TSPYL2: variants seen among roughly 807,000 people sequenced by gnomAD.
TSPYL2 encodes the protein testis-specific Y-encoded-like protein 2.
Under a neutral mutation model 33.0 loss-of-function variants are expected in TSPYL2, and 9 were observed. That is an observed-to-expected ratio of 0.27 (90% CI 0.16 to 0.48). The LOEUF is 0.48. Ranked by LOEUF, TSPYL2 falls within the 20% of genes least tolerant of loss-of-function variation. The pLI is 0.99. For missense variants in TSPYL2, 636 were observed against 586.2 expected (o/e 1.08, Z -0.88); for synonymous variants, 330 against 233.6 (o/e 1.41, Z -3.77).
At chrX:53,086,400 A>G (rs191134075) in intron 6 of TSPYL2, 90 bp downstream of exon 6, 23 of 875,788 alleles carry the variant, frequency 2.6e-5, no homozygotes, top group African/African-American at 1.7e-4. Context: ...CATGAACACA[A>G]TCTGCTTTTA....
chrX:53,084,773 A>G lies in TSPYL2; in HGVS notation c.904A>G (p.Ile302Val). ...TNLQVQDLRH[I>V]SMGYKMKLYF... ...GGAGCAGGTACAGGATCTCAGACAT[A>G]TCTCCATGGGCTACAAAATGAAGCT... is the stretch of plus-strand genomic sequence containing the variant. Residue 302 changes from isoleucine (I) to valine (V), a missense_variant, in exon 3 of 7, where the codon ATC (isoleucine) becomes GTC (valine). Physicochemically the swap from Ile to Val is conservative, Grantham distance 29. Transcript: ENST00000375442. The G allele has an allele frequency of 8.3e-7, 1 of 1,210,212 alleles. No homozygotes were observed. Among genetic ancestry groups the G allele is most frequent in the Non-Finnish European group, 1.1e-6 (1 of 894,688 alleles).
rs782211234 is a variant in TSPYL2 at position 53,085,761 on chromosome X, G to A, written c.1369G>A (p.Glu457Lys). The change falls in exon 6 of 7, where the codon GAG (glutamate) becomes AAG (lysine). Residue 457 changes from glutamate to lysine, a missense_variant. Transcript: ENST00000375442. ...IHDIKISDFM[E>K]TTDYFETTDN... ...TGACATCAAGATCTCTGACTTCATG[G>A]AGACCACCGACTACTTCGAGACCAC... 8.3e-7 allele frequency: 1 copy of A among 1,211,329 alleles called. No individual in the cohort carries two copies. Among genetic ancestry groups the A allele is most frequent in the Non-Finnish European group, 1.1e-6 (1 of 895,418 alleles).
Position 53,088,255 on chromosome X carries a change from TC to T in TSPYL2, c.*319del, listed in dbSNP as rs1556809309. Reference sequence around the variant, plus strand: ...CAGTCAGTTGTGGCCCCAGCCCCTCTCCCTGTGCTGTGTGGAGTGGACACCC... The same window carrying T: ...CAGTCAGTTGTGGCCCCAGCCCCTCTCCTGTGCTGTGTGGAGTGGACACCC... On this transcript the variant is annotated 3_prime_UTR_variant, in exon 7 of 7. Transcript: ENST00000375442. 2 of 252,903 alleles carry T rather than the reference TC, an allele frequency of 7.9e-6. No individual in the cohort carries two copies. The highest frequency in any genetic ancestry group is 1.4e-5 in the Non-Finnish European group (2 of 141,035). 20.8% of individuals were successfully genotyped at this position (252,903 alleles called of 1,213,427 possible).
Position 53,084,628 on chromosome X carries a change from G to C in TSPYL2, c.885+6G>C, listed in dbSNP as rs199951613. Reference sequence around the variant, plus strand: ...GCTACTTGACCAATCTGCAGGTCAGGCCAGAGAGACATTTTTTAGTAGGAT... The same window carrying C: ...GCTACTTGACCAATCTGCAGGTCAGCCCAGAGAGACATTTTTTAGTAGGAT... On this transcript the variant is annotated splice_donor_region_variant and intron_variant, in intron 2 of 6. Transcript: ENST00000375442. 10 of 1,207,308 alleles carry C rather than the reference G, an allele frequency of 8.3e-6. No individual in the cohort carries two copies. The South Asian group carries it at 1.8e-4, about 21-fold the overall frequency.
In TSPYL2 at chrX:53,083,209, C is replaced by T. The variant is rs782090845; in HGVS notation, c.711C>T (p.Phe237=). 7 of 1,211,388 alleles carry T rather than the reference C, an allele frequency of 5.8e-6. No homozygotes were observed. Among genetic ancestry groups the T allele is most frequent in the Non-Finnish European group, 7.8e-6 (7 of 895,376 alleles). The part of the protein sequence containing the change: ...EAVNIKAGKA[F]LRLKRKFIQM... ...TGAACATCAAGGCAGGCAAAGCCTTCCTGCGTCTCAAGCGCAAGTTCATCC... is the reference window on the plus strand; with the variant it reads ...TGAACATCAAGGCAGGCAAAGCCTTTCTGCGTCTCAAGCGCAAGTTCATCC... Residue 237 remains phenylalanine (F), a synonymous_variant, in exon 1 of 7, where the codon TTC becomes TTT. Coordinates refer to ENST00000375442, the MANE Select transcript of TSPYL2 (RefSeq NM_022117.4).
rs782273988 is a variant in TSPYL2, at chrX:53,084,881, C to CA, written c.997+16dup. On this transcript the variant is annotated intron_variant, in intron 3 of 6. Transcript: ENST00000375442. ...CAACCGCTCAGGTAAGTGGCAGTAC[C>CA]AGAGTAAATCCATGTTCCCCCCCTC... 7.5e-6 allele frequency: 9 copies of CA among 1,206,876 alleles called. No homozygotes were observed. Among genetic ancestry groups the CA allele is most frequent in the Non-Finnish European group, 1.0e-5 (9 of 892,933 alleles).
In TSPYL2 at chrX:53,082,676, G is replaced by A. The variant is rs782544701; in HGVS notation, c.178G>A (p.Asp60Asn). The A allele has an allele frequency of 3.9e-5, 45 of 1,148,840 alleles. No individual in the cohort carries two copies. Among genetic ancestry groups the A allele is most frequent in the Non-Finnish European group, 5.1e-5 (44 of 867,310 alleles). The allele number at this position is 1,148,840 out of a possible 1,213,427, so 94.7% of individuals were successfully genotyped here. Residue 60 changes from aspartate (D) to asparagine (N), a missense_variant, in exon 1 of 7, where the codon GAT becomes AAT. Physicochemically the swap from Asp to Asn is conservative, Grantham distance 23. This residue lies in a region of TSPYL2 where 231 missense variants were observed against 201.6 expected (regional missense o/e 1.15). Transcript: ENST00000375442. ...EETEAAQVLA[D>N]MRGVGLGPAL... ...AACGGAGGCGGCACAGGTGCTGGCC[G>A]ATATGAGGGGGGTGGGACTGGGCCC...
intron 6 of TSPYL2, chrX:53,086,816 C>G (rs1180148778): frequency 7.2e-6 from 1 of 139,648 alleles, no homozygotes; most frequent in African/African-American, 3.2e-5. Context: ...GACATTTGAA[C>G]TGGAGGATGC....
chrX:53,086,342 C>T, intron 6 of TSPYL2, 32 bp downstream of exon 6: 1 of 1,164,471 alleles, frequency 8.6e-7, no homozygotes, highest in Non-Finnish European at 1.2e-6. Context: ...CTTGTCTTCC[C>T]TCTTTTCTTT....
chrX:53,086,497 A>G (rs1932767430), intron 6 of TSPYL2, 187 bp downstream of exon 6: 6 of 461,697 alleles, frequency 1.3e-5, no homozygotes, highest in Non-Finnish European at 2.3e-5. Context: ...AAAACCCCAA[A>G]AAATCATTTT....
Position 53,086,180 on chromosome X carries a change from CGAT to C in TSPYL2, c.1794_1796del (p.Asp600del), listed in dbSNP as rs782173044. 60 of 1,206,898 alleles carry C rather than the reference CGAT, an allele frequency of 5.0e-5. No homozygotes were observed. The highest frequency in any genetic ancestry group is 1.2e-4 in the South Asian group (7 of 56,184). ...GCAATGAAGGTGACAATGAAGGCAGCGATGATGACGACAGAGACATTGAGTACT... is the reference window on the plus strand; with the variant it reads ...GCAATGAAGGTGACAATGAAGGCAGCGATGACGACAGAGACATTGAGTACT... On this transcript the variant is annotated inframe_deletion, in exon 6 of 7. Transcript: ENST00000375442.
intron 6 of TSPYL2, chrX:53,086,628 C>T (rs782499928): frequency 2.1e-5 from 7 of 328,656 alleles, no homozygotes; most frequent in Non-Finnish European, 3.8e-5. Flanking sequence ...TGGCAAAACA[C>T]AGTGCATTTC....
In TSPYL2 at chrX:53,086,252, C is replaced by G; in HGVS notation, c.1860C>G (p.Tyr620Ter). Reference sequence around the variant, plus strand: ...ACTTTGACAAGGATCAGGCTGACTACGAGGACGTGATAGAGATCATCTCAG... The same window carrying G: ...ACTTTGACAAGGATCAGGCTGACTAGGAGGACGTGATAGAGATCATCTCAG... ...IEDFDKDQAD[Y>*]EDVIEIISDE... is the part of the protein sequence containing the mutation. Residue 620 changes from tyrosine (Y) to a stop codon, truncating the protein, a stop_gained, in exon 6 of 7, where the codon TAC (tyrosine) becomes TAG (stop). Coordinates refer to ENST00000375442, the MANE Select transcript of TSPYL2 (RefSeq NM_022117.4). LOFTEE classifies it high-confidence loss of function. 1 of 1,211,176 alleles carries G rather than the reference C, an allele frequency of 8.3e-7. No homozygotes were observed. Among genetic ancestry groups the G allele is most frequent in the Non-Finnish European group, 1.1e-6 (1 of 895,367 alleles).
At chrX:53,087,596 G>C (rs1932785353) in intron 6 of TSPYL2, 180 bp from the exon 7 acceptor site, 1 of 444,381 alleles carries the variant, frequency 2.3e-6, no homozygotes, top group Non-Finnish European at 3.9e-6. Context: ...CTCATTCTGT[G>C]GGCTTGCTTG....
At position 53,083,056 on chromosome X, in the gene TSPYL2, C is replaced by CAGG. The variant is rs1602102251; in HGVS notation, c.562_564dup (p.Arg195dup). Reference sequence around the variant, plus strand: ...ATGAGCGGGAGAGTATGAGGAGCAGCAGGAGGCGGCGGCGGCGGCGGAGGA... The same window carrying CAGG: ...ATGAGCGGGAGAGTATGAGGAGCAGCAGGAGGAGGCGGCGGCGGCGGCGGAGGA... On this transcript the variant is annotated inframe_insertion, in exon 1 of 7. Coordinates refer to ENST00000375442, the MANE Select transcript of TSPYL2 (RefSeq NM_022117.4). 9 of 1,203,600 alleles carry CAGG rather than the reference C, an allele frequency of 7.5e-6. No individual in the cohort carries two copies. Among genetic ancestry groups the CAGG allele is most frequent in the East Asian group, 3.0e-5 (1 of 33,621 alleles).
chrX:53,087,810 A>G lies in TSPYL2; in HGVS notation c.1953A>G (p.Gly651=), dbSNP rs1932788499. The G allele has an allele frequency of 1.3e-5, 16 of 1,210,007 alleles. No individual in the cohort carries two copies. In the South Asian group the frequency reaches 2.8e-4, roughly 21 times the overall value. Residue 651 remains glycine (G), a synonymous_variant, in exon 7 of 7, where the codon GGA becomes GGG. Coordinates refer to ENST00000375442, the MANE Select transcript of TSPYL2 (RefSeq NM_022117.4). ...AAGATGAGGACATCTATGAGGAAGG[A>G]AACTATGAGGAGGAAGGAAGTGAAG... The part of the protein sequence containing the change: ...IQQDEDIYEE[G]NYEEEGSEDV...
intron 6 of TSPYL2, 139 bp downstream of exon 6, chrX:53,086,449 A>G (rs1248266730): frequency 3.4e-6 from 2 of 580,866 alleles, no homozygotes; most frequent in African/African-American, 2.4e-5. Context: ...CTTTTTAAAC[A>G]AAGGAAGTCC....
intron 3 of TSPYL2, 36 bp downstream of exon 3, chrX:53,084,902 C>A (rs782065928): frequency 1.5e-4 from 180 of 1,207,150 alleles, no homozygotes; most frequent in Middle Eastern, 4.6e-4. Context: ...CATGTTCCCC[C>A]CCTCAATCTG....
At position 53,086,050 on chromosome X, in the gene TSPYL2, G is replaced by A; in HGVS notation, c.1658G>A (p.Gly553Asp). 4 of 1,171,870 alleles carry A rather than the reference G, an allele frequency of 3.4e-6. No homozygotes were observed. The highest frequency in any genetic ancestry group is 3.4e-6 in the Non-Finnish European group (3 of 875,327). Residue 553 changes from glycine to aspartate, a missense_variant, in exon 6 of 7, where the codon GGC becomes GAC. By Grantham distance (94) the Gly-to-Asp change is moderately conservative (BLOSUM62 -1). Around this residue, in one of 3 missense-constraint regions of TSPYL2, gnomAD observed 401 missense variants for 363.0 expected, o/e 1.10. Transcript: ENST00000375442. ...FFKGGFWGSH[G>D]NNQDSSDSDN... ...AAAGGTGGCTTCTGGGGCAGCCATG[G>A]CAACAACCAGGACAGCAGCGACAGT...
Sources: allele counts gnomAD v4.1 joint callset, GRCh38; gene constraint gnomAD v4.1.1; regional missense constraint gnomAD v4.1.1; transcripts MANE v1.5; gene names NCBI Gene and HGNC (gene_info 2026-07-23, HGNC 2026-07-21).